The following CD9 variants were observed in gnomAD, a reference collection of about 807,000 sequenced individuals.
CD9 encodes the protein CD9 antigen.
A neutral mutation model predicts 31.4 loss-of-function variants in CD9; 10 were observed. That is an observed-to-expected ratio of 0.32 (90% CI 0.20 to 0.54). CD9 has a LOEUF of 0.54. Ranked by LOEUF, CD9 falls within the 20% of genes least tolerant of loss-of-function variation. The probability of loss-of-function intolerance (pLI) is 0.94; values close to 1 mark genes in which losing one functional copy is unlikely to be tolerated. For missense variants in CD9, 259 were observed against 300.1 expected, an observed-to-expected ratio of 0.86 and a Z score of 1.01; for synonymous variants, 113 against 114.1, an observed-to-expected ratio of 0.99 and a Z score of 0.06.
intron 1 of CD9, among the ~76,000 whole-genome samples, chr12:6,221,205 C>T (rs557035176): frequency 6.6e-6 from 1 of 152,308 alleles, no homozygotes; most frequent in South Asian, 2.1e-4. Context: ...GGGATGGAAC[C>T]ATTTTTTGGC....
chr12:6,219,661 A>G lies in CD9; in HGVS notation c.67-5765A>G, dbSNP rs536667798. On this transcript the variant is annotated intron_variant, in intron 1 of 7. Transcript: ENST00000009180. ...CCACCACGCCCGGCTAATTTTTTGT[A>G]TTTTTAGTAGAGACAGGGTTTCATC... 7.1e-4 allele frequency among the ~76,000 whole-genome samples: 107 copies of G among 151,648 alleles called. 1 individual carries two copies. The highest frequency in any genetic ancestry group is 2.4e-3 in the African/African-American group (100 of 41,350).
intron 7 of CD9, chr12:6,236,757 C>T: frequency 6.2e-6 from 2 of 322,134 alleles, no homozygotes; most frequent in Non-Finnish European, 1.1e-5. Flanking sequence ...GTCATGTCCT[C>T]TCTTCCCATG....
intron 1 of CD9, among the ~76,000 whole-genome samples, chr12:6,211,386 C>G (rs907962566): frequency 3.3e-5 from 5 of 152,136 alleles, no homozygotes; most frequent in African/African-American, 1.2e-4. Context: ...CTTGGCCTCC[C>G]TTGCTGGCTT....
intron 1 of CD9, among the ~76,000 whole-genome samples, chr12:6,210,029 A>G (rs1946177158): frequency 6.6e-6 from 1 of 152,156 alleles, no homozygotes; most frequent in Non-Finnish European, 1.5e-5. Flanking sequence ...TTCTAGGATG[A>G]GGAGGGACAC....
chr12:6,210,868 C>G lies in CD9; in HGVS notation c.66+10303C>G, dbSNP rs994920550. ...TTTTTTTTTTTTTGAGAAGGAGTCTCGCTCTGTTGCCAGGCTGGAGTGCAG... is the reference window on the plus strand; with the variant it reads ...TTTTTTTTTTTTTGAGAAGGAGTCTGGCTCTGTTGCCAGGCTGGAGTGCAG... On this transcript the variant is annotated intron_variant, in intron 1 of 7. Transcript: ENST00000009180. Among the ~76,000 whole-genome samples, 24 of 146,224 alleles carry G rather than the reference C, an allele frequency of 1.6e-4. 1 individual carries two copies. The highest frequency in any genetic ancestry group is 1.3e-3 in the Admixed American group (19 of 14,582).
intron 6 of CD9, chr12:6,235,874 C>CT: frequency 4.4e-6 from 6 of 1,369,338 alleles, no homozygotes; most frequent in Non-Finnish European, 4.7e-6. Context: ...TGGCTCCTGT[C>CT]TGTAAGCCAG....
At chr12:6,224,510 T>C (rs1236576021) in intron 1 of CD9, among the ~76,000 whole-genome samples, 4 of 152,176 alleles carry the variant, frequency 2.6e-5, no homozygotes, top group African/African-American at 9.7e-5. Context: ...AAGAGAGGCC[T>C]GTCCACACCA....
At chr12:6,209,690 T>C (rs1236236276) in intron 1 of CD9, among the ~76,000 whole-genome samples, 1 of 150,590 alleles carries the variant, frequency 6.6e-6, no homozygotes, top group Admixed American at 6.6e-5. Flanking sequence ...TTTTTTTTTT[T>C]TTTTTTTTTT....
At chr12:6,224,744 G>A (rs1946340421) in intron 1 of CD9, among the ~76,000 whole-genome samples, 1 of 152,138 alleles carries the variant, frequency 6.6e-6, no homozygotes, top group Non-Finnish European at 1.5e-5. Context: ...TTGGCAGGAG[G>A]CCTCCTGCAC....
rs889976544 is a variant in CD9 at position 6,232,969 on chromosome 12, C to T, written c.273+240C>T. 2.0e-5 allele frequency: 14 copies of T among 702,324 alleles called. No individual in the cohort carries two copies. Among genetic ancestry groups the T allele is most frequent in the African/African-American group, 3.5e-5 (2 of 57,248 alleles). 43.5% of individuals were successfully genotyped at this position (702,324 alleles called of 1,614,324 possible). ...AAAGGACTATGTTTCCCCCTTTTCT[C>T]GAGGACCACGTTTGCTTTTTTTCCC... On this transcript the variant is annotated intron_variant, in intron 3 of 7. Transcript: ENST00000009180. This position sits in a 1 kb window ranked among gnomAD's most constrained non-coding sequence, Gnocchi z 4.8.
In CD9 at chr12:6,200,560, T is replaced by C. The variant is rs1217824733; in HGVS notation, c.61T>C (p.Phe21Leu). 1 of 1,607,030 alleles carries C rather than the reference T, an allele frequency of 6.2e-7. No homozygotes were observed. The highest frequency in any genetic ancestry group is 1.1e-5 in the South Asian group (1 of 90,522). ...KYLLFGFNFI[F>L]WLAGIAVLAI... Reference sequence around the variant, plus strand: ...CCTGCTGTTCGGATTTAACTTCATCTTCTGGGTGAGTGAGCGCGACTGCCG... The same window carrying C: ...CCTGCTGTTCGGATTTAACTTCATCCTCTGGGTGAGTGAGCGCGACTGCCG... The change falls in exon 1 of 8, where the codon TTC becomes CTC. Residue 21 changes from phenylalanine (F) to leucine (L), a missense_variant. Transcript: ENST00000009180.
rs146304211 is a variant in CD9, at chr12:6,237,805, C to T, written c.664C>T (p.Arg222Cys). ...IFSMILCCAI[R>C]RNREMV The stretch of plus-strand genomic sequence containing the variant: ...CAGTATGATCTTGTGCTGTGCTATC[C>T]GCAGGAACCGCGAGATGGTCTAGAG... The change falls in exon 8 of 8, where the codon CGC (arginine) becomes TGC (cysteine). Residue 222 changes from arginine to cysteine, a missense_variant. By Grantham distance (180) the Arg-to-Cys change is radical. Transcript: ENST00000009180. 2.9e-5 allele frequency: 47 copies of T among 1,613,050 alleles called. No homozygotes were observed. Among genetic ancestry groups the T allele is most frequent in the African/African-American group, 1.1e-4 (8 of 74,898 alleles).
chr12:6,202,453 C>T, intron 1 of CD9, among the ~76,000 whole-genome samples: 1 of 152,376 alleles, frequency 6.6e-6, no homozygotes, highest in East Asian at 1.9e-4. Flanking sequence ...CTCCCAGGTA[C>T]AGTCTCTCCC....
intron 6 of CD9, 85 bp from the exon 7 acceptor site, chr12:6,236,107 C>A: frequency 6.3e-7 from 1 of 1,575,798 alleles, no homozygotes; most frequent in African/African-American, 1.3e-5. Context: ...CCAGTTCTCC[C>A]GGGTGAGACG....
chr12:6,205,012 A>T (rs1185115097), intron 1 of CD9, among the ~76,000 whole-genome samples: 1 of 152,234 alleles, frequency 6.6e-6, no homozygotes, highest in Non-Finnish European at 1.5e-5. Flanking sequence ...AACCCTAAGG[A>T]TCAGGATTCC....
chr12:6,211,466 C>T (rs560281664), intron 1 of CD9, among the ~76,000 whole-genome samples: 49 of 152,216 alleles, frequency 3.2e-4, no homozygotes, highest in Admixed American at 7.9e-4. Context: ...TGCTTTTAGC[C>T]GACCCTGCCA....
At position 6,221,813 on chromosome 12, in the gene CD9, C is replaced by CAA. The variant is rs34034952; in HGVS notation, c.67-3594_67-3593dup. On this transcript the variant is annotated intron_variant, in intron 1 of 7. Transcript: ENST00000009180. ...CAACATAGCGAGACCCCTGGCTCTA[C>CAA]AAAAAAAAAAAAAAAAAAAAGGGTT... Among the ~76,000 whole-genome samples, 132 of 62,044 alleles carry CAA rather than the reference C, an allele frequency of 2.1e-3. 1 individual carries two copies. The highest frequency in any genetic ancestry group is 8.5e-3 in the African/African-American group (113 of 13,308). 40.7% of individuals were successfully genotyped at this position (62,044 alleles called of 152,430 possible).
Position 6,232,254 on chromosome 12 carries a change from T to TA in CD9, c.176-376dup. 3.1e-6 allele frequency: 1 copy of TA among 325,942 alleles called. No individual in the cohort carries two copies. Among genetic ancestry groups the TA allele is most frequent in the South Asian group, 2.6e-5 (1 of 38,102 alleles). 20.2% of individuals were successfully genotyped at this position (325,942 alleles called of 1,614,324 possible). On this transcript the variant is annotated intron_variant, in intron 2 of 7. Transcript: ENST00000009180. The surrounding 1 kb of genome is among the most constrained non-coding windows in gnomAD (Gnocchi z 4.8). ...TAGCCAGAGTGTGGAAGGTATATGCTAACTAGCTTGAGTGGATTCATCTTG... is the reference window on the plus strand; with the variant it reads ...TAGCCAGAGTGTGGAAGGTATATGCTAAACTAGCTTGAGTGGATTCATCTTG...
rs1019709791 is a variant in CD9 at position 6,235,153 on chromosome 12, T to A, written c.349-76T>A. 3 of 1,063,644 alleles carry A rather than the reference T, an allele frequency of 2.8e-6. No homozygotes were observed. The Admixed American group carries it at 5.4e-5, about 19-fold the overall frequency. 65.9% of individuals were successfully genotyped at this position (1,063,644 alleles called of 1,614,324 possible). ...GGCTGAGAGCTTAGAGAGAACAAGATGGAACGCATAACATTTGTTCGTGGA... is the reference window on the plus strand; with the variant it reads ...GGCTGAGAGCTTAGAGAGAACAAGAAGGAACGCATAACATTTGTTCGTGGA... On this transcript the variant is annotated intron_variant, in intron 4 of 7. Transcript: ENST00000009180.
Sources: allele counts gnomAD v4.1 joint callset (sites outside exome capture counted in the v4.1 genomes callset), GRCh38; gene constraint gnomAD v4.1.1; non-coding constraint Gnocchi (gnomAD v3.1); transcripts MANE v1.5; gene names NCBI Gene and HGNC (gene_info 2026-07-23, HGNC 2026-07-21).